The following HS6ST2 variants were observed in gnomAD, a reference collection of about 807,000 sequenced individuals.
HS6ST2 encodes heparan sulfate 6-O-sulfotransferase 2.
Under a neutral mutation model 33.0 loss-of-function variants are expected in HS6ST2, and 17 were observed. The ratio of observed to expected loss-of-function variants is 0.52; its 90% CI spans 0.35 to 0.77. The LOEUF (loss-of-function observed/expected upper bound fraction) is 0.77, where lower values mean the gene tolerates loss of function less well. Among genes scored for constraint, HS6ST2 ranks in the 30% least tolerant of loss-of-function variants. HS6ST2 has a pLI of 0.01. For missense variants in HS6ST2, 519 were observed against 551.7 expected (o/e 0.94, Z 0.59); for synonymous variants, 248 against 237.1 (o/e 1.05, Z -0.42).
At chrX:132,761,436 C>T (rs899681494) in intron 2 of HS6ST2, among the ~76,000 whole-genome samples, 11 of 111,025 alleles carry the variant, frequency 9.9e-5, no homozygotes, top group Admixed American at 2.9e-4. Context: ...CAGCAGGGGG[C>T]GAGCCAGCAC....
intron 2 of HS6ST2, among the ~76,000 whole-genome samples, chrX:132,925,644 G>A (rs1028377611): frequency 1.4e-4 from 16 of 111,608 alleles, no homozygotes; most frequent in African/African-American, 5.2e-4. Context: ...AGAACTGTTT[G>A]ATTTTTTTGT....
intron 2 of HS6ST2, among the ~76,000 whole-genome samples, chrX:132,776,607 T>C (rs778589477): frequency 6.2e-4 from 69 of 110,788 alleles, no homozygotes; most frequent in African/African-American, 2.0e-3. Flanking sequence ...CAAACCATCC[T>C]ACACACTACT....
At chrX:132,747,299 T>G (rs2064653756) in intron 2 of HS6ST2, among the ~76,000 whole-genome samples, 1 of 111,804 alleles carries the variant, frequency 8.9e-6, no homozygotes, top group African/African-American at 3.3e-5. Flanking sequence ...CACCTGAATC[T>G]CCTCTGTAAC....
intron 2 of HS6ST2, among the ~76,000 whole-genome samples, chrX:132,858,991 A>G (rs2065882065): frequency 8.9e-6 from 1 of 112,327 alleles, no homozygotes; most frequent in Non-Finnish European, 1.9e-5. Flanking sequence ...TCTTTGTACA[A>G]TGCACAAACT....
intron 2 of HS6ST2, among the ~76,000 whole-genome samples, chrX:132,785,700 T>G (rs986572991): frequency 8.9e-6 from 1 of 111,973 alleles, no homozygotes; most frequent in Non-Finnish European, 1.9e-5. Flanking sequence ...GAAGTTAAAA[T>G]TGGGGGCAGA....
At chrX:132,835,812 A>G (rs2065636661) in intron 2 of HS6ST2, among the ~76,000 whole-genome samples, 1 of 111,581 alleles carries the variant, frequency 9.0e-6, no homozygotes, top group Non-Finnish European at 1.9e-5. Flanking sequence ...GCTACTCGGG[A>G]GGCTGAGGCA....
chrX:132,635,892 A>G (rs1415074343), intron 4 of HS6ST2, among the ~76,000 whole-genome samples: 1 of 110,986 alleles, frequency 9.0e-6, no homozygotes, highest in Non-Finnish European at 1.9e-5. Context: ...ACTCTTTTGA[A>G]TGGCTTCTAT....
At chrX:132,682,735 GAAGCCC>G (rs1452351781) in intron 3 of HS6ST2, among the ~76,000 whole-genome samples, 1 of 108,131 alleles carries the variant, frequency 9.2e-6, no homozygotes, top group Non-Finnish European at 1.9e-5. Flanking sequence ...TAAAGTTTCA[GAAGCCC>G]AAGGGGGAAA....
At chrX:132,746,438 G>T (rs992092649) in intron 2 of HS6ST2, among the ~76,000 whole-genome samples, 1 of 111,336 alleles carries the variant, frequency 9.0e-6, no homozygotes, top group African/African-American at 3.3e-5. Flanking sequence ...AGGAGGCAGA[G>T]CTTGCAGTGA....
chrX:132,799,632 T>C (rs1283675464), intron 2 of HS6ST2, among the ~76,000 whole-genome samples: 12 of 111,203 alleles, frequency 1.1e-4, no homozygotes, highest in African/African-American at 3.9e-4. Context: ...TCCACCCACT[T>C]TAGCCTCCAA....
intron 4 of HS6ST2, among the ~76,000 whole-genome samples, chrX:132,629,822 C>A (rs890597786): frequency 3.6e-5 from 4 of 111,898 alleles, no homozygotes; most frequent in Non-Finnish European, 7.5e-5. Flanking sequence ...TGTATGCAAG[C>A]TACTACCTTG....
chrX:132,658,002 A>C (rs1255401266), intron 4 of HS6ST2, among the ~76,000 whole-genome samples: 1 of 109,586 alleles, frequency 9.1e-6, no homozygotes, highest in East Asian at 2.9e-4. Context: ...CTCCCCAACC[A>C]TGATGAGAAA....
chrX:132,916,396 A>G (rs1034035843), intron 2 of HS6ST2, among the ~76,000 whole-genome samples: 1 of 112,346 alleles, frequency 8.9e-6, no homozygotes, highest in Admixed American at 9.4e-5. Flanking sequence ...AGAAAACATT[A>G]TATTTCTTTA....
At chrX:132,787,207 A>G (rs2065075010) in intron 2 of HS6ST2, among the ~76,000 whole-genome samples, 2 of 89,478 alleles carry the variant, frequency 2.2e-5, no homozygotes, top group Admixed American at 1.3e-4. Flanking sequence ...ATACACATAT[A>G]TATATACACA....
chrX:132,708,520 C>G, intron 2 of HS6ST2, 26 bp from the exon 3 acceptor site: 2 of 1,160,308 alleles, frequency 1.7e-6, no homozygotes, highest in East Asian at 6.2e-5. Context: ...TAAAACCAGT[C>G]GCTAGCAAGA....
chrX:132,797,739 C>A (rs752068436), intron 2 of HS6ST2, among the ~76,000 whole-genome samples: 3 of 110,306 alleles, frequency 2.7e-5, no homozygotes, highest in Non-Finnish European at 3.8e-5. Context: ...AGGCCGGGTG[C>A]GGTGGCTTAT....
At chrX:132,670,385 G>A (rs760559468) in intron 3 of HS6ST2, among the ~76,000 whole-genome samples, 1 of 111,712 alleles carries the variant, frequency 9.0e-6, no homozygotes, top group South Asian at 3.8e-4. Flanking sequence ...TCATGGATAT[G>A]ATTGGAACAA....
chrX:132,891,992 A>C (rs1471962275), intron 2 of HS6ST2, among the ~76,000 whole-genome samples: 1 of 111,894 alleles, frequency 8.9e-6, no homozygotes, highest in Non-Finnish European at 1.9e-5. Flanking sequence ...ACTAGTTTAC[A>C]GTCCCAGCAA....
At chrX:132,707,658 AAT>A (rs2064197598) in intron 3 of HS6ST2, among the ~76,000 whole-genome samples, 1 of 112,326 alleles carries the variant, frequency 8.9e-6, no homozygotes, top group Admixed American at 9.4e-5. Flanking sequence ...TTCTGGAGCC[AAT>A]AAGCCTACAA....
Sources: allele counts gnomAD v4.1 joint callset (sites outside exome capture counted in the v4.1 genomes callset), GRCh38; gene constraint gnomAD v4.1.1; transcripts MANE v1.5; gene names NCBI Gene and HGNC (gene_info 2026-07-23, HGNC 2026-07-21).